NCOR1: variants seen among roughly 807,000 people sequenced by gnomAD.
The protein encoded by NCOR1 is protein phosphatase 1, regulatory subunit 109.
In NCOR1, 63 loss-of-function variants were observed where a neutral mutation model predicts 288.1. The ratio of observed to expected loss-of-function variants is 0.22; its 90% CI spans 0.18 to 0.27. The LOEUF (loss-of-function observed/expected upper bound fraction) is 0.27. Ranked by LOEUF, NCOR1 falls within the 10% of genes least tolerant of loss-of-function variation. The pLI is 1.00. For synonymous variants in NCOR1, 1,007 were observed against 1,065.9 expected (o/e 0.94, Z 1.08); for missense variants, 2,397 against 3,019.2 (o/e 0.79, Z 4.83).
At chr17:16,046,560 AT>A (rs1194882154) in intron 42 of NCOR1, among the ~76,000 whole-genome samples, 1 of 152,214 alleles carries the variant, frequency 6.6e-6, no homozygotes, top group Non-Finnish European at 1.5e-5. Flanking sequence ...GGGGACACTG[AT>A]TGAGAGGACT....
At chr17:16,186,294 T>C (rs1039931523) in intron 3 of NCOR1, among the ~76,000 whole-genome samples, 2 of 152,110 alleles carry the variant, frequency 1.3e-5, no homozygotes, top group Non-Finnish European at 2.9e-5. Context: ...GCAGCCCAAG[T>C]CTATAGAACA....
At chr17:16,043,670 G>A (rs2058140584) in intron 42 of NCOR1, among the ~76,000 whole-genome samples, 1 of 152,202 alleles carries the variant, frequency 6.6e-6, no homozygotes, top group South Asian at 2.1e-4. Context: ...ACTACAGAAT[G>A]AGCAGACCAC....
At position 16,029,880 on chromosome 17, in the gene NCOR1, C is replaced by G. The variant is rs1971784037; in HGVS notation, c.*2416G>C. The G allele has an allele frequency of 6.5e-6, 1 of 153,102 alleles. No individual in the cohort carries two copies. The highest frequency in any genetic ancestry group is 6.5e-5 in the Admixed American group (1 of 15,290). The allele number at this position is 153,102 out of a possible 1,614,324, so 9.5% of individuals were successfully genotyped here. The stretch of plus-strand genomic sequence containing the variant: ...ATGGAGGGAGTGGTTCACAGCACCT[C>G]ACCTTCGGGTCCTCAGGTAGAACTG... On this transcript the variant is annotated 3_prime_UTR_variant, in exon 46 of 46. Transcript: ENST00000268712.
chr17:16,181,205 A>G (rs112789985), intron 3 of NCOR1, among the ~76,000 whole-genome samples: 3,973 of 99,050 alleles, frequency 0.04, 74 homozygotes, highest in African/African-American at 0.07. Context: ...GTATACATAT[A>G]TATGTATGTG....
At chr17:16,094,641 T>C (rs2066018405) in intron 21 of NCOR1, among the ~76,000 whole-genome samples, 1 of 151,882 alleles carries the variant, frequency 6.6e-6, no homozygotes, top group South Asian at 2.1e-4. Context: ...GCCGCTGCCA[T>C]CTCGGCTCAC....
chr17:16,213,477 G>A (rs1475817266), intron 1 of NCOR1, among the ~76,000 whole-genome samples: 3 of 111,094 alleles, frequency 2.7e-5, no homozygotes, highest in Non-Finnish European at 5.2e-5. Flanking sequence ...GGGTGACAGA[G>A]CAAGACTGTC....
intron 21 of NCOR1, among the ~76,000 whole-genome samples, chr17:16,093,678 A>C (rs2065814835): frequency 6.6e-6 from 1 of 152,062 alleles, no homozygotes; most frequent in Non-Finnish European, 1.5e-5. Context: ...TGATCCTAAA[A>C]CCCATAACTT....
At chr17:16,164,845 C>CA (rs1247714101) in intron 5 of NCOR1, 134 bp downstream of exon 5, 6 of 579,358 alleles carry the variant, frequency 1.0e-5, no homozygotes, top group African/African-American at 3.9e-5. Flanking sequence ...ACAACAGTAG[C>CA]AAAAAAACAG....
chr17:16,036,225 AAGTGGATTGTTAATGAGC>A (rs766581475), intron 44 of NCOR1, among the ~76,000 whole-genome samples: 22 of 152,200 alleles, frequency 1.4e-4, no homozygotes, highest in Non-Finnish European at 2.9e-4. Context: ...TTGGGTGACT[AAGTGGATTGTTAATGAGC>A]AGTATTGAAA....
At chr17:16,070,673 C>G in intron 30 of NCOR1, 148 bp from the exon 31 acceptor site, 1 of 1,026,872 alleles carries the variant, frequency 9.7e-7, no homozygotes, top group Admixed American at 2.5e-5. Context: ...CCCACTGATC[C>G]CAAGCTGCAT....
At chr17:16,156,250 A>G (rs1420641062) in intron 6 of NCOR1, among the ~76,000 whole-genome samples, 2 of 152,156 alleles carry the variant, frequency 1.3e-5, no homozygotes, top group Non-Finnish European at 2.9e-5. Flanking sequence ...AGCCTGGCCA[A>G]CACGGTAAAA....
Position 16,071,447 on chromosome 17 carries a change from G to A in NCOR1, c.4114C>T (p.Gln1372Ter). The change falls in exon 30 of 46, where the codon CAG becomes TAG. Residue 1372 changes from glutamine to a stop codon, truncating the protein, a stop_gained. Transcript: ENST00000268712. LOFTEE classifies it high-confidence loss of function. ...CCCTCAATTATCGGCCGTGTGCTCT[G>A]GACCACTTCTGGAGTTTTCCGACTT... is the stretch of plus-strand genomic sequence containing the variant. ...QESRKTPEVV[Q>*]STRPIIEGSI... The A allele has an allele frequency of 6.2e-7, 1 of 1,614,130 alleles. No individual in the cohort carries two copies. Among genetic ancestry groups the A allele is most frequent in the Non-Finnish European group, 8.5e-7 (1 of 1,180,018 alleles).
rs746784729 is a variant in NCOR1 at position 16,108,743 on chromosome 17, C to T, written c.2182+43G>A. On this transcript the variant is annotated intron_variant, in intron 19 of 45. Transcript: ENST00000268712. ...GTCAAATGACTAAAAATTATTTATT[C>T]TGGATAGCAGATGTCACAACTAAAT... The T allele has an allele frequency of 5.2e-6, 8 of 1,532,192 alleles. No individual in the cohort carries two copies. The South Asian group carries it at 1.0e-4, about 19-fold the overall frequency. The allele number at this position is 1,532,192 out of a possible 1,614,324, so 94.9% of individuals were successfully genotyped here.
chr17:16,127,261 G>GCA lies in NCOR1; in HGVS notation c.1510-1056_1510-1055insTG, dbSNP rs1207001503. On this transcript the variant is annotated intron_variant, in intron 14 of 45. Transcript: ENST00000268712. Reference sequence around the variant, plus strand: ...CATATATGTATGTATATATGTGTGTGTATATATGTATGTATATATACGTGT... The same window carrying GCA: ...CATATATGTATGTATATATGTGTGTGCATATATATGTATGTATATATACGTGT... Among the ~76,000 whole-genome samples, 32 of 108,732 alleles carry GCA rather than the reference G, an allele frequency of 2.9e-4. 9 individuals carry two copies. Among genetic ancestry groups the GCA allele is most frequent in the East Asian group, 6.3e-4 (3 of 4,738 alleles). 71.3% of individuals were successfully genotyped at this position (108,732 alleles called of 152,430 possible).
At chr17:16,107,646 G>A (rs1298239047) in intron 19 of NCOR1, among the ~76,000 whole-genome samples, 4 of 152,118 alleles carry the variant, frequency 2.6e-5, no homozygotes, top group Non-Finnish European at 4.4e-5. Flanking sequence ...TATAACCCCA[G>A]GGAATACTAG....
At position 16,030,315 on chromosome 17, in the gene NCOR1, GA is replaced by G; in HGVS notation, c.*1980del. The G allele has an allele frequency of 4.5e-6, 1 of 224,620 alleles. No individual in the cohort carries two copies. Among genetic ancestry groups the G allele is most frequent in the Non-Finnish European group, 8.9e-6 (1 of 112,670 alleles). 13.9% of individuals were successfully genotyped at this position (224,620 alleles called of 1,614,324 possible). On this transcript the variant is annotated 3_prime_UTR_variant, in exon 46 of 46. Transcript: ENST00000268712. ...GCTATCTTGGGTGGCAGAGGTGGAAGAAAATCCATGTATAAGTGGACCCACA... is the reference window on the plus strand; with the variant it reads ...GCTATCTTGGGTGGCAGAGGTGGAAGAAATCCATGTATAAGTGGACCCACA...
intron 11 of NCOR1, among the ~76,000 whole-genome samples, chr17:16,140,385 T>C (rs1161939845): frequency 6.6e-6 from 1 of 152,254 alleles, no homozygotes; most frequent in Non-Finnish European, 1.5e-5. Flanking sequence ...GAAAAATTGC[T>C]GGGCACAGTG....
In NCOR1 at chr17:16,189,338, G is replaced by A. The variant is rs2087567478; in HGVS notation, c.109-2651C>T. Among the ~76,000 whole-genome samples, 2 of 152,144 alleles carry A rather than the reference G, an allele frequency of 1.3e-5. 1 individual carries two copies. The highest frequency in any genetic ancestry group is 4.1e-4 in the South Asian group (2 of 4,826). ...GCACCCAGGAGGTGGAGGTTGCAAT[G>A]AGCCAAGATTGTGCCACTGTACTTC... On this transcript the variant is annotated intron_variant, in intron 2 of 45. Coordinates refer to ENST00000268712, the MANE Select transcript of NCOR1 (RefSeq NM_006311.4).
Position 16,080,043 on chromosome 17 carries a change from T to A in NCOR1, c.3422A>T (p.Glu1141Val). ...VVRGTAGAIQEGSITRGTPTS... is the reference protein window; with the variant it reads ...VVRGTAGAIQVGSITRGTPTS... Reference sequence around the variant, plus strand: ...TGGAGTTCCCCGAGTTATACTTCCTTCTTGTATGGCTCCTGCGGTACCTGA... The same window carrying A: ...TGGAGTTCCCCGAGTTATACTTCCTACTTGTATGGCTCCTGCGGTACCTGA... The change falls in exon 26 of 46, where the codon GAA becomes GTA. Residue 1141 changes from glutamate to valine, a missense_variant. Glu to Val is a moderately radical substitution (Grantham distance 121). This residue lies in a region of NCOR1 where 1,872 missense variants were observed against 2,187.8 expected (regional missense o/e 0.86). Transcript: ENST00000268712. The A allele has an allele frequency of 6.2e-7, 1 of 1,614,084 alleles. No individual in the cohort carries two copies. The highest frequency in any genetic ancestry group is 8.5e-7 in the Non-Finnish European group (1 of 1,179,978).
Sources: gnomAD v4.1 joint callset for allele counts (sites outside exome capture counted in the v4.1 genomes callset) on GRCh38, gnomAD v4.1.1 for gene constraint, gnomAD v4.1.1 regional missense constraint, MANE v1.5 for transcripts, NCBI Gene and HGNC (gene_info 2026-07-23, HGNC 2026-07-21) for gene names.